DPP10: variants seen among roughly 807,000 people sequenced by gnomAD.
DPP10 encodes the protein inactive dipeptidyl peptidase 10.
In DPP10, 33 loss-of-function variants were observed where a neutral mutation model predicts 120.9. The ratio of observed to expected loss-of-function variants is 0.27; its 90% CI spans 0.21 to 0.37. The LOEUF (loss-of-function observed/expected upper bound fraction) is 0.37. DPP10 is among the 10% of genes least tolerant of loss of function. The pLI is 1.00. For missense variants in DPP10, 816 were observed against 942.8 expected (o/e 0.87, Z 1.76); for synonymous variants, 337 against 326.1 (o/e 1.03, Z -0.36).
chr2:114,995,535 A>G (rs186140361), intron 1 of DPP10, among the ~76,000 whole-genome samples: 44 of 152,338 alleles, frequency 2.9e-4, no homozygotes, highest in Admixed American at 1.8e-3. Context: ...ACCTCTTTAG[A>G]GTAATCAACA....
intron 1 of DPP10, among the ~76,000 whole-genome samples, chr2:114,580,396 C>G (rs142198669): frequency 6.6e-6 from 1 of 152,134 alleles, no homozygotes; most frequent in Non-Finnish European, 1.5e-5. Flanking sequence ...ACTTTTCACT[C>G]TAGATAACTA....
intron 1 of DPP10, among the ~76,000 whole-genome samples, chr2:114,964,343 C>G (rs12466516): frequency 0.25 from 37,716 of 151,850 alleles, 4,762 homozygotes; most frequent in Middle Eastern, 0.39. Context: ...AATCTTCTTC[C>G]TCTAGGGAGC....
intron 1 of DPP10, among the ~76,000 whole-genome samples, chr2:114,895,528 C>T (rs1414741805): frequency 6.6e-6 from 1 of 152,150 alleles, no homozygotes; most frequent in East Asian, 1.9e-4. Flanking sequence ...TCCTCATATC[C>T]TGGGCAGATG....
At chr2:115,338,813 C>G (rs1342555549) in intron 2 of DPP10, among the ~76,000 whole-genome samples, 1 of 152,026 alleles carries the variant, frequency 6.6e-6, no homozygotes, top group Non-Finnish European at 1.5e-5. Context: ...CAAAATAGAG[C>G]AGGGAGGAAT....
chr2:115,622,445 T>C (rs962709575), intron 5 of DPP10, among the ~76,000 whole-genome samples: 1 of 152,124 alleles, frequency 6.6e-6, no homozygotes, highest in African/African-American at 2.4e-5. Context: ...CTTTGGGTTG[T>C]TTCCATTTTT....
rs573283774 is a variant in DPP10, at chr2:114,521,363, C to T, written c.60+78525C>T. ...AAATAAAGTCATCAAAAACTGTCAC[C>T]GCATTAAGAACCTAAAGGATTAAGA... On this transcript the variant is annotated intron_variant, in intron 1 of 25. Transcript: ENST00000410059. Among the ~76,000 whole-genome samples, 185 of 151,064 alleles carry T rather than the reference C, an allele frequency of 1.2e-3. 1 individual carries two copies. The highest frequency in any genetic ancestry group is 4.2e-3 in the African/African-American group (172 of 41,112).
At chr2:114,476,791 T>G (rs1680410327) in intron 1 of DPP10, among the ~76,000 whole-genome samples, 1 of 152,040 alleles carries the variant, frequency 6.6e-6, no homozygotes, top group Non-Finnish European at 1.5e-5. Flanking sequence ...CTCAGTGAAA[T>G]GTACACAGAT....
At chr2:114,738,212 T>C (rs115686653) in intron 1 of DPP10, among the ~76,000 whole-genome samples, 2 of 152,298 alleles carry the variant, frequency 1.3e-5, no homozygotes, top group Non-Finnish European at 2.9e-5. Flanking sequence ...ACATGGGGAT[T>C]ACAGTTGGAC....
In DPP10 at chr2:115,677,993, T is replaced by C. The variant is rs192320890; in HGVS notation, c.442-11694T>C. Reference sequence around the variant, plus strand: ...CTTCTCATTAGCACATAAAATATTATTTAGCATTAATTATACTTAGAGCCA... The same window carrying C: ...CTTCTCATTAGCACATAAAATATTACTTAGCATTAATTATACTTAGAGCCA... On this transcript the variant is annotated intron_variant, in intron 5 of 25. Coordinates refer to ENST00000410059, the MANE Select transcript of DPP10 (RefSeq NM_020868.6). Among the ~76,000 whole-genome samples the C allele has an allele frequency of 1.5e-3, 227 of 152,356 alleles. 1 individual carries two copies. The highest frequency in any genetic ancestry group is 3.3e-3 in the South Asian group (16 of 4,830).
intron 1 of DPP10, among the ~76,000 whole-genome samples, chr2:114,718,400 GAA>G (rs71297184): frequency 3.3e-4 from 27 of 81,186 alleles, no homozygotes; most frequent in African/African-American, 9.6e-4. Context: ...GACTCTGTTT[GAA>G]AAAAAAAAAA....
chr2:114,976,233 CT>C (rs1417415116), intron 1 of DPP10, among the ~76,000 whole-genome samples: 2 of 148,494 alleles, frequency 1.3e-5, no homozygotes, highest in Non-Finnish European at 3.0e-5. Context: ...CTTTTTTCCC[CT>C]CCCTAATTTT....
At chr2:115,221,868 T>C (rs369926510) in intron 1 of DPP10, among the ~76,000 whole-genome samples, 2 of 151,838 alleles carry the variant, frequency 1.3e-5, no homozygotes, top group East Asian at 3.9e-4. Context: ...CTGTGTTACT[T>C]CTGCTTTTAA....
At chr2:115,640,782 T>C (rs2086716749) in intron 5 of DPP10, among the ~76,000 whole-genome samples, 1 of 152,194 alleles carries the variant, frequency 6.6e-6, no homozygotes, top group African/African-American at 2.4e-5. Flanking sequence ...CCTGGATGGT[T>C]CCGGTTGCCT....
At position 114,917,564 on chromosome 2, in the gene DPP10, A is replaced by C. The variant is rs563223219; in HGVS notation, c.61-391675A>C. On this transcript the variant is annotated intron_variant, in intron 1 of 25. Coordinates refer to ENST00000410059, the MANE Select transcript of DPP10 (RefSeq NM_020868.6). The stretch of plus-strand genomic sequence containing the variant: ...ATCACCTGACTTCAAACTATACTAC[A>C]AGGCTACAGTAAGCAAAACAGCATG... Among the ~76,000 whole-genome samples the C allele has an allele frequency of 1.2e-4, 18 of 152,304 alleles. No individual in the cohort carries two copies. The East Asian group carries it at 2.9e-3, about 24-fold the overall frequency.
At chr2:115,013,584 A>G (rs1306879386) in intron 1 of DPP10, among the ~76,000 whole-genome samples, 2 of 149,650 alleles carry the variant, frequency 1.3e-5, no homozygotes, top group Non-Finnish European at 3.0e-5. Context: ...TATTTAGGAG[A>G]CTCATCTCAT....
chr2:115,504,736 A>G (rs1259930747), intron 4 of DPP10, among the ~76,000 whole-genome samples: 1 of 152,110 alleles, frequency 6.6e-6, no homozygotes, highest in African/African-American at 2.4e-5. Flanking sequence ...TACCATAGAC[A>G]TTTAGGCTCT....
chr2:115,493,798 T>C (rs1191002922), intron 3 of DPP10, among the ~76,000 whole-genome samples: 1 of 152,134 alleles, frequency 6.6e-6, no homozygotes, highest in Admixed American at 6.6e-5. Flanking sequence ...GAGCAAGGAC[T>C]GCAGCTGTAC....
chr2:114,991,030 A>T (rs541255653), intron 1 of DPP10, among the ~76,000 whole-genome samples: 1 of 152,358 alleles, frequency 6.6e-6, no homozygotes, highest in South Asian at 2.1e-4. Flanking sequence ...CATATTTCTT[A>T]AATAAAAAAA....
At chr2:115,078,099 C>T (rs564999663) in intron 1 of DPP10, among the ~76,000 whole-genome samples, 9 of 152,304 alleles carry the variant, frequency 5.9e-5, no homozygotes, top group African/African-American at 1.9e-4. Context: ...CAATCACACT[C>T]ATCACTTAAA....
Sources: gnomAD v4.1 joint callset for allele counts (sites outside exome capture counted in the v4.1 genomes callset) on GRCh38, gnomAD v4.1.1 for gene constraint, MANE v1.5 for transcripts, NCBI Gene and HGNC (gene_info 2026-07-23, HGNC 2026-07-21) for gene names.